The following PDE1C variants were observed in gnomAD, a reference collection of about 807,000 sequenced individuals.
The protein encoded by PDE1C is dual specificity calcium/calmodulin-dependent 3',5'-cyclic nucleotide phosphodiesterase 1C.
Under a neutral mutation model 93.1 loss-of-function variants are expected in PDE1C, and 62 were observed. That is an observed-to-expected ratio of 0.67 (90% CI 0.54 to 0.82). The LOEUF is 0.82. PDE1C is among the 40% of genes least tolerant of loss of function. The pLI is 0.00. For missense variants in PDE1C, 742 were observed against 884.6 expected (o/e 0.84, Z 2.04); for synonymous variants, 325 against 310.1 (o/e 1.05, Z -0.50).
intron 5 of PDE1C, 141 bp from the exon 6 acceptor site, chr7:31,873,549 CT>C: frequency 3.3e-6 from 2 of 614,940 alleles, no homozygotes; most frequent in Admixed American, 3.0e-5. Flanking sequence ...CACTCTCAAA[CT>C]TTTTCCAATC....
intron 3 of PDE1C, among the ~76,000 whole-genome samples, chr7:32,139,101 C>T (rs937777492): frequency 3.9e-5 from 6 of 152,008 alleles, no homozygotes; most frequent in Middle Eastern, 3.2e-3. Flanking sequence ...TATTCAGATA[C>T]CTCTATCCTG....
chr7:31,797,800 C>T (rs1475602725), intron 16 of PDE1C, among the ~76,000 whole-genome samples: 2 of 151,546 alleles, frequency 1.3e-5, no homozygotes, highest in East Asian at 3.9e-4. Context: ...AAGATTAAGG[C>T]CCAGAAAAGC....
chr7:31,704,999 T>C, the PDE1C span, among the ~76,000 whole-genome samples: 1 of 152,178 alleles, frequency 6.6e-6, no homozygotes, highest in African/African-American at 2.4e-5. Flanking sequence ...ATGATATCCA[T>C]GAAATCAAGA....
At chr7:31,861,587 G>T (rs1223486151) in intron 7 of PDE1C, among the ~76,000 whole-genome samples, 1 of 151,974 alleles carries the variant, frequency 6.6e-6, no homozygotes, top group Non-Finnish European at 1.5e-5. Context: ...CTTGTCAACT[G>T]TTTATCAAAC....
At chr7:31,862,066 C>G (rs1422423363) in intron 7 of PDE1C, among the ~76,000 whole-genome samples, 1 of 152,202 alleles carries the variant, frequency 6.6e-6, no homozygotes, top group Non-Finnish European at 1.5e-5. Context: ...AAACCCTGCA[C>G]TAACTCTGTG....
At chr7:32,046,701 C>A (rs1022337680) in intron 2 of PDE1C, among the ~76,000 whole-genome samples, 6 of 152,050 alleles carry the variant, frequency 3.9e-5, no homozygotes, top group African/African-American at 1.4e-4. Context: ...ATGAGGGACA[C>A]CTTTGTCTAA....
Position 32,184,626 on chromosome 7 carries a change from A to C in PDE1C, c.137-14670T>G, listed in dbSNP as rs532462564. ...AGAACACATGGACACAGGAAGGGGA[A>C]CATCACACACTGGGGCCTGTTGTGG... On this transcript the variant is annotated intron_variant, in intron 2 of 18. Transcript: ENST00000396193. 3.2e-4 allele frequency among the ~76,000 whole-genome samples: 49 copies of C among 152,244 alleles called. 1 individual carries two copies. Among genetic ancestry groups the C allele is most frequent in the African/African-American group, 1.0e-3 (43 of 41,538 alleles).
intron 1 of PDE1C, among the ~76,000 whole-genome samples, chr7:32,282,728 C>T (rs1304067999): frequency 2.6e-5 from 4 of 151,618 alleles, no homozygotes; most frequent in Non-Finnish European, 5.9e-5. Context: ...CTGCAGGCGC[C>T]CGCCACCATG....
At chr7:32,141,444 GAGTT>G (rs1800521322) in intron 3 of PDE1C, among the ~76,000 whole-genome samples, 1 of 152,236 alleles carries the variant, frequency 6.6e-6, no homozygotes, top group African/African-American at 2.4e-5. Flanking sequence ...CTAGCAAAGT[GAGTT>G]AGTCATGTGG....
At chr7:32,128,934 T>TATATATAC in intron 3 of PDE1C, among the ~76,000 whole-genome samples, 1 of 94,156 alleles carries the variant, frequency 1.1e-5, no homozygotes, top group African/African-American at 4.8e-5. Context: ...TATATATATA[T>TATATATAC]ATATATATAT....
chr7:31,969,194 G>A (rs898910414), intron 2 of PDE1C, among the ~76,000 whole-genome samples: 5 of 152,166 alleles, frequency 3.3e-5, no homozygotes, highest in African/African-American at 9.6e-5. Context: ...TACCATCAGA[G>A]TGAACAGGCA....
chr7:32,338,699 T>C (rs1783677652), intron 1 of PDE1C, among the ~76,000 whole-genome samples: 1 of 152,162 alleles, frequency 6.6e-6, no homozygotes, highest in South Asian at 2.1e-4. Context: ...CCTAGCAGCA[T>C]TATTCACAAA....
At chr7:32,230,936 G>C (rs1807649091) in intron 1 of PDE1C, among the ~76,000 whole-genome samples, 1 of 152,058 alleles carries the variant, frequency 6.6e-6, no homozygotes, top group South Asian at 2.1e-4. Context: ...ATTATAATTG[G>C]AGTCCAATTT....
intron 2 of PDE1C, among the ~76,000 whole-genome samples, chr7:32,000,158 T>C (rs983195965): frequency 2.6e-5 from 4 of 152,168 alleles, no homozygotes; most frequent in African/African-American, 9.7e-5. Context: ...ACTGTACTAA[T>C]GTAAACTGGG....
Position 32,280,951 on chromosome 7 carries a change from C to A in PDE1C, c.85+17700G>T, listed in dbSNP as rs985390986. Among the ~76,000 whole-genome samples the A allele has an allele frequency of 2.6e-5, 4 of 152,270 alleles. No individual in the cohort carries two copies. In the East Asian group the frequency reaches 7.7e-4, roughly 29 times the overall value. On this transcript the variant is annotated intron_variant, in intron 1 of 18. Transcript: ENST00000396193. ...CGTGAGCTATGATCATGCCACCACA[C>A]TTCAGACTGGGCAACAGAGTGAGAC...
chr7:31,632,866 T>TTTTA, the PDE1C span, among the ~76,000 whole-genome samples: 6 of 152,074 alleles, frequency 3.9e-5, no homozygotes, highest in South Asian at 2.1e-4. Flanking sequence ...AGATTTTTAT[T>TTTTA]TTTATTTATT....
intron 2 of PDE1C, among the ~76,000 whole-genome samples, chr7:31,901,225 A>T (rs1799941935): frequency 6.6e-6 from 1 of 151,588 alleles, no homozygotes; most frequent in Admixed American, 6.6e-5. Flanking sequence ...CAAAAATTTC[A>T]TTACTTTTAG....
At chr7:31,902,829 A>C (rs2128923299) in intron 2 of PDE1C, among the ~76,000 whole-genome samples, 1 of 151,474 alleles carries the variant, frequency 6.6e-6, no homozygotes, top group African/African-American at 2.4e-5. Context: ...ATATCGATTA[A>C]CATTAAAAAG....
the PDE1C span, among the ~76,000 whole-genome samples, chr7:31,705,986 A>ATTTTTTTTTTT: frequency 2.9e-4 from 15 of 52,518 alleles, no homozygotes; most frequent in South Asian, 8.5e-4. Context: ...CAGACCAGTA[A>ATTTTTTTTTTT]TTTTTTTTTT....
Sources: allele counts gnomAD v4.1 joint callset (sites outside exome capture counted in the v4.1 genomes callset), GRCh38; gene constraint gnomAD v4.1.1; transcripts MANE v1.5; gene names NCBI Gene and HGNC (gene_info 2026-07-23, HGNC 2026-07-21).